Variants in NAPA observed in about 807,000 individuals in gnomAD.
The protein encoded by NAPA is alpha-soluble NSF attachment protein.
In NAPA, 18 loss-of-function variants were observed where a neutral mutation model predicts 48.0. That is an observed-to-expected ratio of 0.38 (90% CI 0.26 to 0.56). The LOEUF (loss-of-function observed/expected upper bound fraction) is 0.56. NAPA is among the 20% of genes least tolerant of loss of function. The pLI, the probability that NAPA is intolerant of heterozygous loss-of-function variation, is 0.77. For synonymous variants in NAPA, 152 were observed against 149.9 expected, an observed-to-expected ratio of 1.01 and a Z score of -0.10; for missense variants, 315 against 385.0, an observed-to-expected ratio of 0.82 and a Z score of 1.52.
chr19:47,509,971 GT>G (rs1968775191), intron 1 of NAPA, among the ~76,000 whole-genome samples: 1 of 152,242 alleles, frequency 6.6e-6, no homozygotes, highest in Non-Finnish European at 1.5e-5. Flanking sequence ...AGACGGAAAT[GT>G]TTGTATGGCC....
chr19:47,491,927 C>A (rs371236577), intron 8 of NAPA, 88 bp downstream of exon 8: 3 of 1,169,684 alleles, frequency 2.6e-6, no homozygotes, highest in Non-Finnish European at 3.8e-6. Flanking sequence ...GGGAGGAGCA[C>A]GTCCCTCTTC....
downstream of NAPA, among the ~76,000 whole-genome samples, chr19:47,486,247 C>T (rs550114423): frequency 1.3e-4 from 20 of 152,108 alleles, no homozygotes; most frequent in East Asian, 1.9e-4. Context: ...CCCAGCTACT[C>T]GGGAGACTGA....
chr19:47,489,265 C>T (rs917263463), intron 10 of NAPA: 22 of 174,480 alleles, frequency 1.3e-4, no homozygotes, highest in Non-Finnish European at 2.5e-4. Flanking sequence ...GCCGCGTGGG[C>T]GGCTCCACCA....
chr19:47,502,568 T>C (rs1416254856), intron 2 of NAPA, among the ~76,000 whole-genome samples: 1 of 152,232 alleles, frequency 6.6e-6, no homozygotes, highest in Non-Finnish European at 1.5e-5. Context: ...CCTGCCTCCA[T>C]GGTCCCACCA....
chr19:47,507,912 G>C (rs915397251), intron 1 of NAPA, among the ~76,000 whole-genome samples: 24 of 152,146 alleles, frequency 1.6e-4, no homozygotes, highest in Admixed American at 1.3e-3. Flanking sequence ...GGGGCCCTGG[G>C]GATCCAGTCC....
intron 9 of NAPA, among the ~76,000 whole-genome samples, chr19:47,490,377 T>G (rs917588830): frequency 6.7e-6 from 1 of 148,552 alleles, no homozygotes; most frequent in African/African-American, 2.5e-5. Context: ...GTGTGTGTAG[T>G]GTGTGTGGGG....
intron 3 of NAPA, chr19:47,495,842 G>A (rs1265484654): frequency 3.8e-6 from 2 of 533,114 alleles, no homozygotes; most frequent in Non-Finnish European, 6.8e-6. Context: ...TGCTTCTGGG[G>A]GAGCCCTTCT....
chr19:47,486,585 G>A (rs1968084307), downstream of NAPA, among the ~76,000 whole-genome samples: 1 of 152,176 alleles, frequency 6.6e-6, no homozygotes, highest in Admixed American at 6.5e-5. Context: ...ACAGGCATGA[G>A]CCACAGCACC....
chr19:47,496,797 C>T (rs1238034930), intron 3 of NAPA: 1 of 448,758 alleles, frequency 2.2e-6, no homozygotes, highest in Admixed American at 2.4e-5. Context: ...GCTGGGCTTT[C>T]AGGGAGTCCA....
Position 47,515,008 on chromosome 19 carries a change from C to A in NAPA, c.-68G>T, listed in dbSNP as rs993315597. The A allele has an allele frequency of 1.3e-6, 2 of 1,503,908 alleles. No homozygotes were observed. Among genetic ancestry groups the A allele is most frequent in the Non-Finnish European group, 1.8e-6 (2 of 1,097,906 alleles). The allele number at this position is 1,503,908 out of a possible 1,614,324, so 93.2% of individuals were successfully genotyped here. On this transcript the variant is annotated 5_prime_UTR_variant, in exon 1 of 11. Transcript: ENST00000263354. ...TGGGAAGACTCAGCCGCGGCCGGGC[C>A]GCGGAACACAGATCGGTAAAACTCG...
At chr19:47,499,128 CAG>C (rs1968507909) in intron 3 of NAPA, among the ~76,000 whole-genome samples, 1 of 152,226 alleles carries the variant, frequency 6.6e-6, no homozygotes, top group Non-Finnish European at 1.5e-5. Flanking sequence ...CCACACCCTG[CAG>C]AGTCTCGCTG....
At chr19:47,496,666 G>C (rs1046463302) in intron 3 of NAPA, 3 of 279,842 alleles carry the variant, frequency 1.1e-5, no homozygotes, top group African/African-American at 4.5e-5. Context: ...CGCCTGAGAA[G>C]AGGGTGCTAC....
chr19:47,503,601 C>T (rs1968631712), intron 1 of NAPA, 99 bp from the exon 2 acceptor site: 2 of 1,131,114 alleles, frequency 1.8e-6, no homozygotes, highest in Non-Finnish European at 2.6e-6. Context: ...TGCCCCTACC[C>T]CTCACCCTTC....
Position 47,515,060 on chromosome 19 carries a change from G to T in NAPA, c.-120C>A. 1.9e-6 allele frequency: 2 copies of T among 1,038,992 alleles called. No homozygotes were observed. Among genetic ancestry groups the T allele is most frequent in the Non-Finnish European group, 2.8e-6 (2 of 719,904 alleles). 64.4% of individuals were successfully genotyped at this position (1,038,992 alleles called of 1,614,324 possible). A position where few individuals can be genotyped will look rare whatever the true frequency, so the allele number is the denominator to read the frequency against. On this transcript the variant is annotated 5_prime_UTR_variant, in exon 1 of 11. Coordinates refer to ENST00000263354, the MANE Select transcript of NAPA (RefSeq NM_003827.4). ...CCGGCTGCGTTGACGTCGCACCGGC[G>T]CGCGTCGCTTGCGGCCAGGAACCAC...
Position 47,488,283 on chromosome 19 carries a change from G to A in NAPA, c.*5C>T, listed in dbSNP as rs1295760586. On this transcript the variant is annotated 3_prime_UTR_variant, in exon 11 of 11. Coordinates refer to ENST00000263354, the MANE Select transcript of NAPA (RefSeq NM_003827.4). ...GAAGACGGGCACTGGGGGGCTGGGT[G>A]GGGCTTAGCGCAGGTCCTCCTCATC... 1.2e-6 allele frequency: 2 copies of A among 1,608,206 alleles called. No individual in the cohort carries two copies. The highest frequency in any genetic ancestry group is 1.3e-5 in the African/African-American group (1 of 74,816).
chr19:47,496,579 T>C (rs1968429771), intron 3 of NAPA: 2 of 224,174 alleles, frequency 8.9e-6, no homozygotes, highest in South Asian at 5.3e-5. Flanking sequence ...CCACAGGGCA[T>C]GGGCTCTGAG....
At chr19:47,497,189 GC>G in intron 3 of NAPA, 2 of 194,366 alleles carry the variant, frequency 1.0e-5, no homozygotes, top group Non-Finnish European at 2.2e-5. Context: ...CCACATGGAG[GC>G]CCCGGGCTGC....
chr19:47,497,090 A>G, intron 3 of NAPA: 1 of 272,342 alleles, frequency 3.7e-6, no homozygotes, highest in Middle Eastern at 1.1e-3. Flanking sequence ...CCCAGAAGCA[A>G]CGGCTAAGCC....
intron 3 of NAPA, chr19:47,496,853 C>T (rs541015484): frequency 2.2e-6 from 1 of 456,242 alleles, no homozygotes; most frequent in Non-Finnish European, 4.4e-6. Context: ...AAGCACTCCT[C>T]TGGGGAGTGG....
Sources: allele counts gnomAD v4.1 joint callset (sites outside exome capture counted in the v4.1 genomes callset), GRCh38; gene constraint gnomAD v4.1.1; transcripts MANE v1.5; gene names NCBI Gene and HGNC (gene_info 2026-07-23, HGNC 2026-07-21).